The following WDR1 variants were observed in gnomAD, a reference collection of about 807,000 sequenced individuals.
The protein encoded by WDR1 is WD repeat domain 1.
A neutral mutation model predicts 71.9 loss-of-function variants in WDR1; 21 were observed. That is an observed-to-expected ratio of 0.29 (90% CI 0.21 to 0.42). The LOEUF is 0.42. Ranked by LOEUF, WDR1 falls within the 10% of genes least tolerant of loss-of-function variation. The probability of loss-of-function intolerance (pLI) is 1.00; values close to 1 mark genes in which losing one functional copy is unlikely to be tolerated. For missense variants in WDR1, 696 were observed against 824.5 expected, an observed-to-expected ratio of 0.84 and a Z score of 1.91; for synonymous variants, 424 against 347.4, an observed-to-expected ratio of 1.22 and a Z score of -2.45.
chr4:10,097,637 C>T lies in WDR1; in HGVS notation c.558+74G>A. On this transcript the variant is annotated intron_variant, in intron 5 of 14. Transcript: ENST00000499869. ...CATGTGCTGTGGTCTCTGCCATCAG[C>T]ATCTAAACAGGCTCAGCCTCTGCTA... 2.0e-6 allele frequency: 3 copies of T among 1,511,852 alleles called. No homozygotes were observed. In the South Asian group the frequency reaches 3.8e-5, roughly 19 times the overall value. 93.7% of individuals were successfully genotyped at this position (1,511,852 alleles called of 1,614,324 possible). A position where few individuals can be genotyped will look rare whatever the true frequency, so the allele number is the denominator to read the frequency against.
In WDR1 at chr4:10,086,596, G is replaced by A. The variant is rs373017504; in HGVS notation, c.951+1111C>T. On this transcript the variant is annotated intron_variant, in intron 8 of 14. Transcript: ENST00000499869. ...CAGCACAGCACGGGCCGAGTGCACA[G>A]GCCCGGGGGCTGCTCCAGGCTGGCC... is the stretch of plus-strand genomic sequence containing the variant. Among the ~76,000 whole-genome samples the A allele has an allele frequency of 3.2e-4, 49 of 152,348 alleles. No homozygotes were observed. In the Middle Eastern group the frequency reaches 0.017, roughly 53 times the overall value.
intron 6 of WDR1, 59 bp from the exon 7 acceptor site, chr4:10,088,432 G>T: frequency 6.8e-7 from 1 of 1,469,056 alleles, no homozygotes; most frequent in Non-Finnish European, 9.3e-7. Context: ...GGAGTAAGCA[G>T]TTTCTCCATG....
intron 4 of WDR1, among the ~76,000 whole-genome samples, chr4:10,098,113 C>T (rs1350744761): frequency 6.6e-6 from 1 of 152,034 alleles, no homozygotes; most frequent in Non-Finnish European, 1.5e-5. Flanking sequence ...CAAGCCGGCG[C>T]CTTCGGGAAG....
rs181923121 is a variant in WDR1, at chr4:10,106,949, C to A, written c.139-2963G>T. Among the ~76,000 whole-genome samples the A allele has an allele frequency of 3.0e-4, 45 of 152,240 alleles. 1 individual carries two copies. The East Asian group carries it at 3.7e-3, about 12-fold the overall frequency. ...GCTGGGTCGAGATGGCACCTTGACACCCTCAGTGTGCCCCTCTCCCCCCAG... is the reference window on the plus strand; with the variant it reads ...GCTGGGTCGAGATGGCACCTTGACAACCTCAGTGTGCCCCTCTCCCCCCAG... On this transcript the variant is annotated intron_variant, in intron 2 of 14. Coordinates refer to ENST00000499869, the MANE Select transcript of WDR1 (RefSeq NM_017491.5).
chr4:10,109,613 C>T (rs1348335331), intron 2 of WDR1, among the ~76,000 whole-genome samples: 2 of 152,216 alleles, frequency 1.3e-5, no homozygotes, highest in Non-Finnish European at 2.9e-5. Flanking sequence ...TTGAAACAGG[C>T]CTGGGGGTAC....
Position 10,075,324 on chromosome 4 carries a change from G to T in WDR1, c.*54C>A. On this transcript the variant is annotated 3_prime_UTR_variant, in exon 15 of 15. Coordinates refer to ENST00000499869, the MANE Select transcript of WDR1 (RefSeq NM_017491.5). ...AAATAGAGAAATGACATGTTCCGCTGCAGTTAAACTCTAGTCCCTGATTCG... is the reference window on the plus strand; with the variant it reads ...AAATAGAGAAATGACATGTTCCGCTTCAGTTAAACTCTAGTCCCTGATTCG... 1.3e-6 allele frequency: 2 copies of T among 1,505,360 alleles called. No individual in the cohort carries two copies. The highest frequency in any genetic ancestry group is 1.4e-5 in the African/African-American group (1 of 72,778). 93.3% of individuals were successfully genotyped at this position (1,505,360 alleles called of 1,614,324 possible).
chr4:10,107,466 C>T (rs922996465), intron 2 of WDR1, among the ~76,000 whole-genome samples: 1 of 152,236 alleles, frequency 6.6e-6, no homozygotes, highest in African/African-American at 2.4e-5. Context: ...GCAACCCACC[C>T]TTCCTGAGCT....
chr4:10,109,142 G>C (rs1038688221), intron 2 of WDR1, among the ~76,000 whole-genome samples: 6 of 152,244 alleles, frequency 3.9e-5, no homozygotes, highest in Non-Finnish European at 5.9e-5. Flanking sequence ...CCTGCTGTAA[G>C]GAAGGTAACC....
chr4:10,081,882 A>G (rs1292481330), intron 10 of WDR1, among the ~76,000 whole-genome samples: 1 of 152,126 alleles, frequency 6.6e-6, no homozygotes, highest in African/African-American at 2.4e-5. Flanking sequence ...AAATCATGTT[A>G]TTTTTAGCCT....
At chr4:10,103,774 G>GCCCCCC in intron 3 of WDR1, 122 bp downstream of exon 3, 1 of 274,298 alleles carries the variant, frequency 3.6e-6, no homozygotes, top group East Asian at 7.0e-5. Flanking sequence ...CCCCCAGCCT[G>GCCCCCC]CTCCCCCACC....
At position 10,078,910 on chromosome 4, in the gene WDR1, G is replaced by A. The variant is rs200861812; in HGVS notation, c.1376C>T (p.Thr459Met). 4.5e-5 allele frequency: 72 copies of A among 1,612,450 alleles called. 1 individual carries two copies. The Admixed American group carries it at 4.7e-4, about 10-fold the overall frequency. The stretch of plus-strand genomic sequence containing the variant: ...ACTTACCACACCCCCAATTGCCACC[G>A]TGTCCCCGCCGGGGTGCACTGCCAC... ...EVVAVHPGGD[T>M]VAIGGVDGNV... The change falls in exon 12 of 15, where the codon ACG (threonine) becomes ATG (methionine). Residue 459 changes from threonine to methionine, a missense_variant. Physicochemically the swap from Thr to Met is moderately conservative, Grantham distance 81. Coordinates refer to ENST00000499869, the MANE Select transcript of WDR1 (RefSeq NM_017491.5).
intron 3 of WDR1, among the ~76,000 whole-genome samples, chr4:10,100,311 T>TG (rs1305719730): frequency 6.6e-6 from 1 of 152,210 alleles, no homozygotes; most frequent in Non-Finnish European, 1.5e-5. Context: ...GCAAGCAACA[T>TG]GGCTTGTGTC....
rs773448139 is a variant in WDR1 at position 10,103,908 on chromosome 4, T to A, written c.217A>T (p.Ile73Phe). 9.5e-6 allele frequency: 15 copies of A among 1,585,856 alleles called. No individual in the cohort carries two copies. The highest frequency in any genetic ancestry group is 1.3e-5 in the Non-Finnish European group (15 of 1,166,068). Residue 73 changes from isoleucine to phenylalanine, a missense_variant, in exon 3 of 15, where the codon ATT (isoleucine) becomes TTT (phenylalanine). Physicochemically the swap from Ile to Phe is conservative, Grantham distance 21 (BLOSUM62 0). Coordinates refer to ENST00000499869, the MANE Select transcript of WDR1 (RefSeq NM_017491.5). ...CCCCATACAGTACCTCCGGAGGCAA[T>A]GTAGAATCCGCTGGGCGCATACTTG... ...VAKYAPSGFYIASGDVSGKLR... is the reference protein window; with the variant it reads ...VAKYAPSGFYFASGDVSGKLR...
intron 5 of WDR1, chr4:10,093,177 T>G: frequency 3.1e-6 from 4 of 1,287,434 alleles, no homozygotes; most frequent in East Asian, 5.6e-5. Context: ...ACCTACCTAG[T>G]CAGCTCAGGA....
chr4:10,074,691 A>C lies in WDR1; in HGVS notation c.*687T>G, dbSNP rs544253020. The C allele has an allele frequency of 6.5e-6, 1 of 152,738 alleles. No individual in the cohort carries two copies. Among genetic ancestry groups the C allele is most frequent in the East Asian group, 1.9e-4 (1 of 5,184 alleles). The allele number at this position is 152,738 out of a possible 1,614,324, so 9.5% of individuals were successfully genotyped here. On this transcript the variant is annotated 3_prime_UTR_variant, in exon 15 of 15. Transcript: ENST00000499869. ...TAACAAGGGTTCTAAAAACTTGGACACGGTGCCGTCAACGCACTAGTTTGT... is the reference window on the plus strand; with the variant it reads ...TAACAAGGGTTCTAAAAACTTGGACCCGGTGCCGTCAACGCACTAGTTTGT...
intron 8 of WDR1, among the ~76,000 whole-genome samples, chr4:10,087,329 G>C (rs1392559911): frequency 6.6e-6 from 1 of 152,268 alleles, no homozygotes; most frequent in Non-Finnish European, 1.5e-5. Flanking sequence ...GGTGCTCAGT[G>C]AGCTTCTGCT....
At chr4:10,104,652 C>T (rs568603985) in intron 2 of WDR1, among the ~76,000 whole-genome samples, 2 of 152,156 alleles carry the variant, frequency 1.3e-5, no homozygotes, top group African/African-American at 4.8e-5. Flanking sequence ...AAAAGTAGAT[C>T]CCTGCGCCTC....
At chr4:10,099,163 A>AG (rs746121966) in intron 3 of WDR1, 24 bp from the exon 4 acceptor site, 16 of 180,960 alleles carry the variant, frequency 8.8e-5, no homozygotes, top group Admixed American at 1.8e-4. Context: ...CGGGCGGGGG[A>AG]GGGGGGGAGG....
At chr4:10,097,584 C>T in intron 5 of WDR1, 127 bp downstream of exon 5, 3 of 1,166,104 alleles carry the variant, frequency 2.6e-6, no homozygotes, top group Non-Finnish European at 3.6e-6. Context: ...CCCTGGGAGC[C>T]CACTTCTGTG....
Sources: gnomAD v4.1 joint callset for allele counts (sites outside exome capture counted in the v4.1 genomes callset) on GRCh38, gnomAD v4.1.1 for gene constraint, MANE v1.5 for transcripts, NCBI Gene and HGNC (gene_info 2026-07-23, HGNC 2026-07-21) for gene names.